Variants in WDR62 observed in about 807,000 individuals in gnomAD.
WDR62 encodes WD repeat-containing protein 62.
In WDR62, 112 loss-of-function variants were observed where a neutral mutation model predicts 160.6. The observed-to-expected ratio is 0.70, with a 90% CI of 0.60 to 0.82. The LOEUF is 0.82. WDR62 is among the 40% of genes least tolerant of loss of function. The probability of loss-of-function intolerance (pLI) is 0.00; values close to 1 mark genes in which losing one functional copy is unlikely to be tolerated. For missense variants in WDR62, 1,819 were observed against 1,983.8 expected, an observed-to-expected ratio of 0.92 and a Z score of 1.58; for synonymous variants, 792 against 815.1, an observed-to-expected ratio of 0.97 and a Z score of 0.48.
At chr19:36,071,493 C>G in intron 7 of WDR62, 63 bp from the exon 8 acceptor site, 1 of 1,605,704 alleles carries the variant, frequency 6.2e-7, no homozygotes, top group East Asian at 2.2e-5. Context: ...CTGTCAGTCC[C>G]CATATCCCCG....
intron 1 of WDR62, among the ~76,000 whole-genome samples, chr19:36,055,871 TAAG>T (rs1445123786): frequency 6.6e-6 from 1 of 152,152 alleles, no homozygotes; most frequent in East Asian, 1.9e-4. Flanking sequence ...ATGGAGATGA[TAAG>T]AACCATACTA....
chr19:36,062,595 A>T (rs1487197936), intron 3 of WDR62: 2 of 140,328 alleles, frequency 1.4e-5, no homozygotes, highest in Non-Finnish European at 3.0e-5. Context: ...GGTTGCAGTG[A>T]GCCAAGATCA....
At position 36,058,873 on chromosome 19, in the gene WDR62, T is replaced by C. The variant is rs766594991; in HGVS notation, c.269+2T>C. The C allele has an allele frequency of 3.1e-6, 5 of 1,612,736 alleles. No individual in the cohort carries two copies. Among genetic ancestry groups the C allele is most frequent in the Non-Finnish European group, 8.5e-7 (1 of 1,178,866 alleles). On this transcript the variant is annotated splice_donor_variant, in intron 2 of 31. Coordinates refer to ENST00000401500, the MANE Select transcript of WDR62 (RefSeq NM_001083961.2). LOFTEE classifies it high-confidence loss of function. ...AGGCCATGTGGCCTACCTGGCAGGG[T>C]AAGCAGATAAGGGCCTCGACGTCTA...
intron 13 of WDR62, among the ~76,000 whole-genome samples, chr19:36,087,808 A>C (rs1266343169): frequency 6.6e-6 from 1 of 152,068 alleles, no homozygotes; most frequent in African/African-American, 2.4e-5. Flanking sequence ...AACAAGAGCA[A>C]AACTCCATCT....
chr19:36,077,166 C>A (rs930017976), intron 9 of WDR62, among the ~76,000 whole-genome samples: 11 of 152,106 alleles, frequency 7.2e-5, no homozygotes, highest in African/African-American at 1.2e-4. Context: ...CAGTCCTCCC[C>A]ATTCCCCACT....
intron 16 of WDR62, among the ~76,000 whole-genome samples, 154 bp downstream of exon 16, chr19:36,090,674 G>T (rs1433029589): frequency 6.6e-6 from 1 of 152,200 alleles, no homozygotes; most frequent in East Asian, 1.9e-4. Flanking sequence ...TTGCGAGAGG[G>T]TGGGGAGGGT....
intron 9 of WDR62, 63 bp downstream of exon 9, chr19:36,073,594 A>T: frequency 7.6e-7 from 1 of 1,318,048 alleles, no homozygotes; most frequent in Admixed American, 2.0e-5. Context: ...ACAGTTTGGG[A>T]ACCCATTCAG....
intron 3 of WDR62, among the ~76,000 whole-genome samples, chr19:36,063,455 G>A (rs543052716): frequency 2.0e-5 from 3 of 151,422 alleles, no homozygotes; most frequent in African/African-American, 7.3e-5. Context: ...GTTTCACTAT[G>A]TTGGTCAGGC....
At chr19:36,063,046 G>C (rs934016803) in intron 3 of WDR62, among the ~76,000 whole-genome samples, 1 of 151,874 alleles carries the variant, frequency 6.6e-6, no homozygotes, top group African/African-American at 2.4e-5. Flanking sequence ...CCCAGTTCAA[G>C]TGATTCTCCT....
chr19:36,072,855 T>G (rs924577505), intron 8 of WDR62, among the ~76,000 whole-genome samples: 3 of 152,186 alleles, frequency 2.0e-5, no homozygotes, highest in African/African-American at 7.2e-5. Context: ...ATTGTGGTTG[T>G]GAGAATTTAT....
Position 36,105,080 on chromosome 19 carries a change from T to C in WDR62, c.*52T>C, listed in dbSNP as rs1419440174. ...GCTGCTTCTGAGGACTTAGGTATTT[T>C]AAGCGAATAAACTGACAGCTTTGAG... On this transcript the variant is annotated 3_prime_UTR_variant, in exon 32 of 32. Transcript: ENST00000401500. 5 of 1,561,222 alleles carry C rather than the reference T, an allele frequency of 3.2e-6. No individual in the cohort carries two copies. Among genetic ancestry groups the C allele is most frequent in the Non-Finnish European group, 4.3e-6 (5 of 1,160,422 alleles).
chr19:36,103,724 T>C lies in WDR62; in HGVS notation c.3896T>C (p.Leu1299Pro), dbSNP rs766176122. 3.1e-6 allele frequency: 5 copies of C among 1,611,170 alleles called. No homozygotes were observed. In the Admixed American group the frequency reaches 8.3e-5, roughly 27 times the overall value. ...CACGAGGCCCGGGCCAACCTGAGAC[T>C]GACCCTGTCAAGTGCCTGTGATGGG... The part of the protein sequence containing the change: ...GNHEARANLR[L>P]TLSSACDGLL... The change falls in exon 30 of 32, where the codon CTG (leucine) becomes CCG (proline). Residue 1299 changes from leucine (L) to proline (P), a missense_variant. Leu to Pro is a moderately conservative substitution (Grantham distance 98, BLOSUM62 -3). Transcript: ENST00000401500.
In WDR62 at chr19:36,097,222, C is replaced by T. The variant is rs915503493; in HGVS notation, c.2520+143C>T. The T allele has an allele frequency of 2.6e-5, 21 of 795,488 alleles. No homozygotes were observed. In the East Asian group the frequency reaches 5.1e-4, roughly 19 times the overall value. 49.3% of individuals were successfully genotyped at this position (795,488 alleles called of 1,614,324 possible). A position where few individuals can be genotyped will look rare whatever the true frequency, so the allele number is the denominator to read the frequency against. On this transcript the variant is annotated intron_variant, in intron 21 of 31. Transcript: ENST00000401500. ...ATCCTTCCAGGCTCAGTGAGACAGC[C>T]CTTTGTTCATGATCAGTGCTCTCTG...
chr19:36,072,621 T>C (rs1366782813), intron 8 of WDR62, among the ~76,000 whole-genome samples: 1 of 152,078 alleles, frequency 6.6e-6, no homozygotes, highest in Non-Finnish European at 1.5e-5. Flanking sequence ...CTTTGTGGAT[T>C]TCTGGATGCT....
intron 3 of WDR62, among the ~76,000 whole-genome samples, chr19:36,064,892 C>G (rs1239579407): frequency 1.3e-5 from 2 of 152,198 alleles, no homozygotes; most frequent in Non-Finnish European, 2.9e-5. Context: ...CATTCCTTCT[C>G]TCCTGTTCCA....
Position 36,089,124 on chromosome 19 carries a change from C to T in WDR62, c.1836+19C>T. The T allele has an allele frequency of 6.2e-7, 1 of 1,613,158 alleles. No homozygotes were observed. The highest frequency in any genetic ancestry group is 2.2e-5 in the East Asian group (1 of 44,864). ...CCAGCAGGTAGGGTGGCATGGCCTCCTTGGGGGCTGGGGTGGGGGGTTGTC... is the reference window on the plus strand; with the variant it reads ...CCAGCAGGTAGGGTGGCATGGCCTCTTTGGGGGCTGGGGTGGGGGGTTGTC... On this transcript the variant is annotated intron_variant, in intron 14 of 31. Coordinates refer to ENST00000401500, the MANE Select transcript of WDR62 (RefSeq NM_001083961.2).
intron 9 of WDR62, among the ~76,000 whole-genome samples, chr19:36,079,609 A>C (rs1971774875): frequency 6.6e-6 from 1 of 152,136 alleles, no homozygotes; most frequent in Non-Finnish European, 1.5e-5. Flanking sequence ...CCTTGCACTC[A>C]ACTGCTGTTG....
chr19:36,088,759 C>G (rs1381061765), intron 13 of WDR62, among the ~76,000 whole-genome samples: 2 of 152,250 alleles, frequency 1.3e-5, no homozygotes, highest in African/African-American at 4.8e-5. Context: ...ATCTCAATCC[C>G]AGACTGGAGA....
intron 10 of WDR62, among the ~76,000 whole-genome samples, chr19:36,082,565 A>G (rs1234211063): frequency 6.6e-6 from 1 of 152,216 alleles, no homozygotes; most frequent in Non-Finnish European, 1.5e-5. Flanking sequence ...CAGTGCTACC[A>G]TCGTCTCCTC....
Sources: allele counts gnomAD v4.1 joint callset (sites outside exome capture counted in the v4.1 genomes callset), GRCh38; gene constraint gnomAD v4.1.1; transcripts MANE v1.5; gene names NCBI Gene and HGNC (gene_info 2026-07-23, HGNC 2026-07-21).